SUB1: variants seen among roughly 807,000 people sequenced by gnomAD.
SUB1 encodes the protein activated RNA polymerase II transcriptional coactivator p15.
SUB1 carries 1 observed loss-of-function variant against 16.9 expected under a neutral mutation model. That is an observed-to-expected ratio of 0.06 (90% CI 0.02 to 0.28). The LOEUF (loss-of-function observed/expected upper bound fraction) is 0.28. Among genes scored for constraint, SUB1 ranks in the 10% least tolerant of loss-of-function variants. SUB1 has a pLI of 1.00. For synonymous variants in SUB1, 51 were observed against 46.9 expected, an observed-to-expected ratio of 1.09 and a Z score of -0.36; for missense variants, 84 against 145.2, an observed-to-expected ratio of 0.58 and a Z score of 2.16.
intron 4 of SUB1, 51 bp downstream of exon 4, chr5:32,599,120 CTT>C (rs752361804): frequency 1.5e-6 from 2 of 1,360,458 alleles, no homozygotes; most frequent in African/African-American, 2.9e-5. Context: ...TAAACGACAA[CTT>C]TTCTGAGTAG....
intron 4 of SUB1, 102 bp downstream of exon 4, chr5:32,599,171 GA>G (rs2111684411): frequency 1.3e-6 from 1 of 783,946 alleles, no homozygotes; most frequent in African/African-American, 1.8e-5. Flanking sequence ...GGGCAAGGAA[GA>G]GTCTTACTCA....
In SUB1 at chr5:32,601,760, T is replaced by C. The variant is rs1186028297; in HGVS notation, c.*676T>C. ...AGCAGATCTAATTTGATAAACAACA[T>C]GGCTTGTGTGAAAACTGAGCAGGTG... On this transcript the variant is annotated 3_prime_UTR_variant, in exon 5 of 5. Coordinates refer to ENST00000265073, the MANE Select transcript of SUB1 (RefSeq NM_006713.4). The C allele has an allele frequency of 1.3e-5, 2 of 154,236 alleles. No homozygotes were observed. Among genetic ancestry groups the C allele is most frequent in the South Asian group, 2.0e-4 (1 of 4,986 alleles). The allele number at this position is 154,236 out of a possible 1,614,324, so 9.6% of individuals were successfully genotyped here.
At chr5:32,596,162 G>A (rs1052174433) in intron 3 of SUB1, 1 of 152,112 alleles carries the variant, frequency 6.6e-6, no homozygotes, top group Non-Finnish European at 1.5e-5. Context: ...GAATAAGGGG[G>A]GACTGGCAGT....
At chr5:32,592,071 T>TCTGATAATTGC (rs1334439044) in intron 3 of SUB1, among the ~76,000 whole-genome samples, 1 of 152,234 alleles carries the variant, frequency 6.6e-6, no homozygotes, top group African/African-American at 2.4e-5. Context: ...AGTACTATGA[T>TCTGATAATTGC]CTGATAATTG....
In SUB1 at chr5:32,598,956, T is replaced by G; in HGVS notation, c.196-5T>G. The G allele has an allele frequency of 6.2e-7, 1 of 1,607,286 alleles. No individual in the cohort carries two copies. The highest frequency in any genetic ancestry group is 2.2e-5 in the East Asian group (1 of 44,830). On this transcript the variant is annotated splice_region_variant and splice_polypyrimidine_tract_variant and intron_variant, in intron 3 of 4. Coordinates refer to ENST00000265073, the MANE Select transcript of SUB1 (RefSeq NM_006713.4). ...CACCTCTTTTTATGTTTGTTTCTTT[T>G]GCAGATTGGGAAAATGAGGTACGTT...
chr5:32,600,974 T>C, intron 4 of SUB1, 31 bp from the exon 5 acceptor site: 1 of 1,584,686 alleles, frequency 6.3e-7, no homozygotes, highest in Non-Finnish European at 8.7e-7. Context: ...TAAATAGATT[T>C]TCACCTTTGA....
Position 32,591,644 on chromosome 5 carries a change from T to G in SUB1, c.154T>G (p.Ser52Ala). 6.2e-7 allele frequency: 1 copy of G among 1,607,898 alleles called. No homozygotes were observed. Among genetic ancestry groups the G allele is most frequent in the Non-Finnish European group, 8.5e-7 (1 of 1,177,878 alleles). ...TGAGACTTCGAGAGCCCTGTCATCT[T>G]CTAAACAGAGCAGCAGCAGCAGAGA... ...TGETSRALSSSKQSSSSRDDN... is the reference protein window; with the variant it reads ...TGETSRALSSAKQSSSSRDDN... Residue 52 changes from serine to alanine, a missense_variant, in exon 3 of 5, where the codon TCT becomes GCT. Ser to Ala is a moderately conservative substitution (Grantham distance 99, BLOSUM62 1). This residue lies in a region of SUB1 where 60 missense variants were observed against 64.9 expected (regional missense o/e 0.92). Transcript: ENST00000265073.
Position 32,602,213 on chromosome 5 carries a change from A to G in SUB1, c.*1129A>G, listed in dbSNP as rs1259423348. The G allele has an allele frequency of 4.0e-5, 18 of 455,650 alleles. No individual in the cohort carries two copies. The Admixed American group carries it at 4.0e-4, about 10-fold the overall frequency. 28.2% of individuals were successfully genotyped at this position (455,650 alleles called of 1,614,324 possible). On this transcript the variant is annotated 3_prime_UTR_variant, in exon 5 of 5. Coordinates refer to ENST00000265073, the MANE Select transcript of SUB1 (RefSeq NM_006713.4). The stretch of plus-strand genomic sequence containing the variant: ...TGATGAAGCAGACAGATTGAGGCAC[A>G]GATTTTAGTGGCTTTGTGGCAATAA...
chr5:32,591,770 G>A (rs1479255996), intron 3 of SUB1, 85 bp downstream of exon 3: 7 of 1,400,278 alleles, frequency 5.0e-6, no homozygotes, highest in Non-Finnish European at 6.6e-6. Context: ...GCGCCATCTC[G>A]GCTCACTGCA....
chr5:32,601,226 A>G lies in SUB1; in HGVS notation c.*142A>G, dbSNP rs1739106854. 1.5e-6 allele frequency: 1 copy of G among 646,042 alleles called. No individual in the cohort carries two copies. Among genetic ancestry groups the G allele is most frequent in the African/African-American group, 1.9e-5 (1 of 53,230 alleles). The allele number at this position is 646,042 out of a possible 1,614,324, so 40.0% of individuals were successfully genotyped here. On this transcript the variant is annotated 3_prime_UTR_variant, in exon 5 of 5. Coordinates refer to ENST00000265073, the MANE Select transcript of SUB1 (RefSeq NM_006713.4). ...ATTTGTAAGATGAATACTTTTTTTT[A>G]ATGTGCATTATTAAAAATATTGAGT...
At chr5:32,600,941 G>T in intron 4 of SUB1, 64 bp from the exon 5 acceptor site, 2 of 1,439,186 alleles carry the variant, frequency 1.4e-6, no homozygotes, top group Non-Finnish European at 2.0e-6. Flanking sequence ...ATTCTAGTTG[G>T]AAGTATGAAA....
At chr5:32,591,422 G>T in intron 2 of SUB1, 141 bp from the exon 3 acceptor site, 4 of 1,185,370 alleles carry the variant, frequency 3.4e-6, no homozygotes, top group Non-Finnish European at 4.5e-6. Context: ...TTGTTGTTGA[G>T]TGAAACTTGC....
At chr5:32,594,846 G>C in intron 3 of SUB1, 1 of 182,216 alleles carries the variant, frequency 5.5e-6, no homozygotes, top group Non-Finnish European at 1.2e-5. Flanking sequence ...ATTGTCTTCC[G>C]TGAGACTGGT....
chr5:32,600,851 C>T (rs542178495), intron 4 of SUB1, among the ~76,000 whole-genome samples, 154 bp from the exon 5 acceptor site: 19 of 152,204 alleles, frequency 1.2e-4, no homozygotes, highest in Non-Finnish European at 1.2e-4. Flanking sequence ...GTGATCCACC[C>T]GCCTTGGCCT....
intron 3 of SUB1, among the ~76,000 whole-genome samples, chr5:32,593,792 C>G (rs1738889690): frequency 6.6e-6 from 1 of 152,000 alleles, no homozygotes; most frequent in Non-Finnish European, 1.5e-5. Context: ...CTCCTGGGTT[C>G]AAGAGATTCT....
At chr5:32,600,964 T>TA in intron 4 of SUB1, 41 bp from the exon 5 acceptor site, 1 of 1,558,404 alleles carries the variant, frequency 6.4e-7, no homozygotes, top group East Asian at 2.2e-5. Context: ...CCTCAACGCT[T>TA]AAATAGATTT....
intron 3 of SUB1, 130 bp from the exon 4 acceptor site, chr5:32,598,831 A>C (rs1213776049): frequency 1.5e-6 from 1 of 681,516 alleles, no homozygotes; most frequent in Non-Finnish European, 2.5e-6. Context: ...CATGTTGTTC[A>C]AGGGTCAGCA....
chr5:32,598,055 CTTTTTTATTT>C (rs1203943143), intron 3 of SUB1: 17 of 60,034 alleles, frequency 2.8e-4, no homozygotes, highest in African/African-American at 9.3e-4. Context: ...AGCAATTCAA[CTTTTTTATTT>C]TTATTTTTAT....
chr5:32,590,761 A>AGTTTTTTTTTT (rs1738801242), intron 2 of SUB1, among the ~76,000 whole-genome samples: 1 of 10,500 alleles, frequency 9.5e-5, no homozygotes, highest in Non-Finnish European at 3.8e-4. Flanking sequence ...ACGCCTGGCT[A>AGTTTTTTTTTT]ATTTTTTTTT....
Sources: gnomAD v4.1 joint callset for allele counts (sites outside exome capture counted in the v4.1 genomes callset) on GRCh38, gnomAD v4.1.1 for gene constraint, gnomAD v4.1.1 regional missense constraint, MANE v1.5 for transcripts, NCBI Gene and HGNC (gene_info 2026-07-23, HGNC 2026-07-21) for gene names.